The following SLC16A7 variants were observed in gnomAD, a reference collection of about 807,000 sequenced individuals.
The protein encoded by SLC16A7 is solute carrier family 16 member 7.
In SLC16A7, 33 loss-of-function variants were observed where a neutral mutation model predicts 34.9. That is an observed-to-expected ratio of 0.94 (90% CI 0.72 to 1.26). The LOEUF (loss-of-function observed/expected upper bound fraction) is 1.26. Among genes scored for constraint, SLC16A7 ranks in the 50% most tolerant of loss-of-function variants. The pLI is 0.00. For missense variants in SLC16A7, 573 were observed against 578.1 expected, an observed-to-expected ratio of 0.99 and a Z score of 0.09; for synonymous variants, 201 against 206.6, an observed-to-expected ratio of 0.97 and a Z score of 0.23.
chr12:59,655,668 TAAA>T (rs964178403), intron 2 of SLC16A7, among the ~76,000 whole-genome samples: 16 of 151,938 alleles, frequency 1.1e-4, no homozygotes, highest in Non-Finnish European at 2.4e-4. Flanking sequence ...TGGCACTTTT[TAAA>T]AAAACTACAT....
chr12:59,709,734 T>A (rs959303999), intron 3 of SLC16A7, among the ~76,000 whole-genome samples: 3 of 151,658 alleles, frequency 2.0e-5, no homozygotes, highest in Non-Finnish European at 4.4e-5. Flanking sequence ...AGACTCTTTT[T>A]TTCATCTGTA....
chr12:59,655,412 C>T (rs553966619), intron 2 of SLC16A7, among the ~76,000 whole-genome samples, 162 bp downstream of exon 2: 1 of 152,006 alleles, frequency 6.6e-6, no homozygotes. Context: ...GTACTTTTAG[C>T]TTCTAGTGTT....
chr12:59,686,122 G>A (rs1489644417), intron 2 of SLC16A7, among the ~76,000 whole-genome samples: 2 of 146,444 alleles, frequency 1.4e-5, no homozygotes, highest in Non-Finnish European at 3.0e-5. Flanking sequence ...TTTTTGCAGG[G>A]GAGGGTCCCT....
intron 1 of SLC16A7, among the ~76,000 whole-genome samples, chr12:59,649,542 G>A (rs1868305307): frequency 6.6e-6 from 1 of 152,182 alleles, no homozygotes; most frequent in Non-Finnish European, 1.5e-5. Context: ...TCAAAGTTCA[G>A]TGGTGCTTGG....
Position 59,771,222 on chromosome 12 carries a change from C to T in SLC16A7, c.221C>T (p.Pro74Leu). 6.2e-7 allele frequency: 1 copy of T among 1,611,654 alleles called. No homozygotes were observed. The highest frequency in any genetic ancestry group is 2.2e-5 in the East Asian group (1 of 44,690). Residue 74 changes from proline to leucine, a missense_variant, in exon 4 of 6, where the codon CCT (proline) becomes CTT (leucine). By Grantham distance (98) the Pro-to-Leu change is moderately conservative (BLOSUM62 -3). Coordinates refer to ENST00000547379, the MANE Select transcript of SLC16A7 (RefSeq NM_001270623.2). ...CTTTATCTCCTCTCTGCTGTAGGTC[C>T]TGTAAGTAGTGTTTTGGTGAATAAA... Reference protein sequence around the residue: ...IMLAVMYAGGPVSSVLVNKYG... With the variant: ...IMLAVMYAGGLVSSVLVNKYG...
At chr12:59,624,842 A>G (rs989706229) in intron 1 of SLC16A7, among the ~76,000 whole-genome samples, 1 of 151,456 alleles carries the variant, frequency 6.6e-6, no homozygotes, top group Non-Finnish European at 1.5e-5. Context: ...TTATTGAGTG[A>G]CAGCAGGGCA....
chr12:59,645,454 C>T (rs1880866095), intron 1 of SLC16A7, among the ~76,000 whole-genome samples: 2 of 152,020 alleles, frequency 1.3e-5, no homozygotes. Flanking sequence ...AGGGGCTTTC[C>T]CCTTTGCTTG....
At chr12:59,716,313 A>G (rs2137184407) in intron 3 of SLC16A7, among the ~76,000 whole-genome samples, 1 of 152,268 alleles carries the variant, frequency 6.6e-6, no homozygotes, top group East Asian at 1.9e-4. Flanking sequence ...CATTCTTGGA[A>G]GGCTGAAATG....
At chr12:59,659,443 A>G (rs1868716482) in intron 2 of SLC16A7, among the ~76,000 whole-genome samples, 1 of 152,118 alleles carries the variant, frequency 6.6e-6, no homozygotes, top group South Asian at 2.1e-4. Context: ...TCCAATGTCT[A>G]TTATTCCAGC....
intron 3 of SLC16A7, among the ~76,000 whole-genome samples, chr12:59,758,691 T>C (rs1039503149): frequency 1.3e-5 from 2 of 152,106 alleles, no homozygotes; most frequent in African/African-American, 2.4e-5. Flanking sequence ...CTCATATGAT[T>C]GGCATTTCTA....
chr12:59,741,887 C>T (rs941525036), intron 3 of SLC16A7, among the ~76,000 whole-genome samples: 1 of 152,092 alleles, frequency 6.6e-6, no homozygotes, highest in African/African-American at 2.4e-5. Flanking sequence ...TTCCTGCCTC[C>T]CTAGAAGAAA....
At chr12:59,754,937 G>A (rs1321433411) in intron 3 of SLC16A7, among the ~76,000 whole-genome samples, 1 of 152,206 alleles carries the variant, frequency 6.6e-6, no homozygotes, top group Non-Finnish European at 1.5e-5. Flanking sequence ...TCCCTGGGAT[G>A]CAAGGCTGGT....
chr12:59,767,661 GA>G (rs543987515), intron 3 of SLC16A7, among the ~76,000 whole-genome samples: 274 of 152,106 alleles, frequency 1.8e-3, no homozygotes, highest in Non-Finnish European at 3.5e-3. Flanking sequence ...CTGCTGCTAA[GA>G]AAAAAAGTTC....
At position 59,645,674 on chromosome 12, in the gene SLC16A7, G is replaced by C. The variant is rs143172425; in HGVS notation, c.-129-9478G>C. On this transcript the variant is annotated intron_variant, in intron 1 of 5. Coordinates refer to ENST00000547379, the MANE Select transcript of SLC16A7 (RefSeq NM_001270623.2). The stretch of plus-strand genomic sequence containing the variant: ...CAGTAAATTAGAACCACAGAGAGTG[G>C]GGTGCTGCTATAAGGATACCCAAAA... 5.9e-5 allele frequency among the ~76,000 whole-genome samples: 9 copies of C among 152,208 alleles called. No homozygotes were observed. In the East Asian group the frequency reaches 1.7e-3, roughly 29 times the overall value.
At chr12:59,635,200 C>CT (rs1165070486) in intron 1 of SLC16A7, among the ~76,000 whole-genome samples, 11 of 152,034 alleles carry the variant, frequency 7.2e-5, no homozygotes, top group African/African-American at 2.7e-4. Flanking sequence ...CTGCTGACCT[C>CT]TCCCTATAAA....
intron 3 of SLC16A7, among the ~76,000 whole-genome samples, chr12:59,754,527 G>T (rs1448296459): frequency 1.3e-5 from 2 of 151,448 alleles, no homozygotes; most frequent in South Asian, 4.2e-4. Context: ...TAAATTCCTC[G>T]ACACGTACAC....
At chr12:59,644,935 A>G (rs1202434686) in intron 1 of SLC16A7, among the ~76,000 whole-genome samples, 1 of 152,244 alleles carries the variant, frequency 6.6e-6, no homozygotes, top group African/African-American at 2.4e-5. Context: ...TATGTGAAAG[A>G]TAGAAGTTAA....
chr12:59,688,974 G>T (rs1165651001), intron 2 of SLC16A7, among the ~76,000 whole-genome samples: 1 of 151,682 alleles, frequency 6.6e-6, no homozygotes, highest in Non-Finnish European at 1.5e-5. Flanking sequence ...TATAATTAAG[G>T]AATTATAATT....
At chr12:59,778,776 C>G (rs1440647587) in intron 5 of SLC16A7, among the ~76,000 whole-genome samples, 1 of 151,996 alleles carries the variant, frequency 6.6e-6, no homozygotes, top group African/African-American at 2.4e-5. Flanking sequence ...TTAGGTGAAG[C>G]CATTCTGCAG....
Sources: gnomAD v4.1 joint callset for allele counts (sites outside exome capture counted in the v4.1 genomes callset) on GRCh38, gnomAD v4.1.1 for gene constraint, MANE v1.5 for transcripts, NCBI Gene and HGNC (gene_info 2026-07-23, HGNC 2026-07-21) for gene names.